Variants in TRAF3 observed in about 807,000 individuals in gnomAD.
The protein encoded by TRAF3 is TNF receptor associated factor 3, also known as TNF receptor-associated factor 3.
A neutral mutation model predicts 62.3 loss-of-function variants in TRAF3; 13 were observed. The ratio of observed to expected loss-of-function variants is 0.21; its 90% CI spans 0.14 to 0.33. The LOEUF is 0.33. Among genes scored for constraint, TRAF3 ranks in the 10% least tolerant of loss-of-function variants. The pLI is 1.00. For missense variants in TRAF3, 440 were observed against 741.8 expected, an observed-to-expected ratio of 0.59 and a Z score of 4.73; for synonymous variants, 269 against 283.4, an observed-to-expected ratio of 0.95 and a Z score of 0.51.
chr14:102,889,400 A>G (rs969524017), intron 7 of TRAF3, among the ~76,000 whole-genome samples, 160 bp from the exon 8 acceptor site: 3 of 152,248 alleles, frequency 2.0e-5, no homozygotes, highest in Non-Finnish European at 2.9e-5. Context: ...TAGACCGTAT[A>G]TTTACTGCAT....
intron 10 of TRAF3, chr14:102,902,964 G>A: frequency 2.2e-6 from 1 of 458,266 alleles, no homozygotes; most frequent in South Asian, 2.0e-5. Flanking sequence ...TTGCTTTCCT[G>A]ATGGCTCTCT....
chr14:102,777,574 C>T lies in TRAF3; in HGVS notation c.-258C>T, dbSNP rs1897062655. ...AGCCGCGGCGGCCGCCGGCTCTTCC[C>T]CGCCCCCCGCCATGGGGCAGCCCGG... On this transcript the variant is annotated 5_prime_UTR_variant, in exon 1 of 12. Transcript: ENST00000392745. The T allele has an allele frequency of 1.4e-5, 2 of 145,300 alleles. No individual in the cohort carries two copies. Among genetic ancestry groups the T allele is most frequent in the Non-Finnish European group, 3.1e-5 (2 of 65,294 alleles). The allele number at this position is 145,300 out of a possible 1,614,324, so 9.0% of individuals were successfully genotyped here. A position where few individuals can be genotyped will look rare whatever the true frequency, so the allele number is the denominator to read the frequency against.
chr14:102,905,067 G>T, intron 11 of TRAF3, 146 bp from the exon 12 acceptor site: 1 of 816,024 alleles, frequency 1.2e-6, no homozygotes, highest in Non-Finnish European at 2.0e-6. Flanking sequence ...AGCTGAGATG[G>T]TGCCACTGCA....
intron 1 of TRAF3, among the ~76,000 whole-genome samples, chr14:102,828,430 G>A (rs563226954): frequency 1.3e-5 from 2 of 152,290 alleles, no homozygotes; most frequent in East Asian, 1.9e-4. Context: ...TGATTAGAAC[G>A]TACGCGATTC....
At chr14:102,811,172 A>AG in intron 1 of TRAF3, among the ~76,000 whole-genome samples, 1 of 152,296 alleles carries the variant, frequency 6.6e-6, no homozygotes, top group South Asian at 2.1e-4. Context: ...AGTGGAGTGG[A>AG]GGACAGCCTG....
Position 102,870,284 on chromosome 14 carries a change from G to A in TRAF3, c.83G>A (p.Gly28Glu), listed in dbSNP as rs1288284677. Residue 28 changes from glycine to glutamate, a missense_variant, in exon 3 of 12, where the codon GGG becomes GAG. This residue lies in a region of TRAF3 where 40 missense variants were observed against 38.3 expected (regional missense o/e 1.05). Transcript: ENST00000392745. The part of the protein sequence containing the change: ...PLKLHTDRSA[G>E]TPVFVPEQGG... Reference sequence around the variant, plus strand: ...AAGCTGCACACTGACCGCAGTGCTGGGACGCCAGTTTTTGTCCCTGAACAA... The same window carrying A: ...AAGCTGCACACTGACCGCAGTGCTGAGACGCCAGTTTTTGTCCCTGAACAA... 6.2e-7 allele frequency: 1 copy of A among 1,614,222 alleles called. No homozygotes were observed. The highest frequency in any genetic ancestry group is 8.5e-7 in the Non-Finnish European group (1 of 1,180,048).
intron 9 of TRAF3, among the ~76,000 whole-genome samples, chr14:102,896,481 A>G (rs1464859782): frequency 6.6e-6 from 1 of 152,116 alleles, no homozygotes; most frequent in East Asian, 1.9e-4. Flanking sequence ...GAAATGGAAT[A>G]AAAAAAATCA....
At chr14:102,881,361 G>A (rs1001892659) in intron 6 of TRAF3, among the ~76,000 whole-genome samples, 7 of 150,844 alleles carry the variant, frequency 4.6e-5, no homozygotes, top group Admixed American at 2.6e-4. Context: ...TTCAGCCTGG[G>A]CGACAGAGCA....
At chr14:102,894,266 G>C (rs1889885509) in intron 9 of TRAF3, among the ~76,000 whole-genome samples, 1 of 152,146 alleles carries the variant, frequency 6.6e-6, no homozygotes, top group South Asian at 2.1e-4. Flanking sequence ...GGCAGAGGTT[G>C]CAGTGAGCCA....
chr14:102,850,088 G>A (rs1332900115), intron 2 of TRAF3, among the ~76,000 whole-genome samples: 1 of 152,086 alleles, frequency 6.6e-6, no homozygotes, highest in Non-Finnish European at 1.5e-5. Flanking sequence ...TAATTACAGT[G>A]TAACTCAACT....
At chr14:102,880,192 C>T (rs1325108812) in intron 6 of TRAF3, among the ~76,000 whole-genome samples, 1 of 152,152 alleles carries the variant, frequency 6.6e-6, no homozygotes, top group East Asian at 1.9e-4. Flanking sequence ...CAAGTAATTC[C>T]TCCAGGCTGT....
intron 1 of TRAF3, among the ~76,000 whole-genome samples, chr14:102,795,217 T>C (rs910522108): frequency 6.6e-6 from 1 of 152,234 alleles, no homozygotes; most frequent in African/African-American, 2.4e-5. Context: ...CTGTCTCAGC[T>C]GATTGTTGCA....
chr14:102,892,739 A>T (rs985906678), intron 9 of TRAF3, among the ~76,000 whole-genome samples: 7 of 152,238 alleles, frequency 4.6e-5, no homozygotes, highest in Non-Finnish European at 1.0e-4. Context: ...GGAGTCTAAA[A>T]TTTTAAATAG....
intron 2 of TRAF3, among the ~76,000 whole-genome samples, chr14:102,834,580 G>A (rs898947492): frequency 6.0e-5 from 9 of 151,160 alleles, no homozygotes; most frequent in East Asian, 1.9e-4. Context: ...CCAGCTACTC[G>A]GAGAGGCTGA....
intron 1 of TRAF3, among the ~76,000 whole-genome samples, chr14:102,803,857 C>A (rs1354324223): frequency 6.6e-6 from 1 of 152,140 alleles, no homozygotes; most frequent in Non-Finnish European, 1.5e-5. Flanking sequence ...TAAAAACATG[C>A]AAATATATAA....
At chr14:102,891,753 A>G (rs916991551) in intron 9 of TRAF3, among the ~76,000 whole-genome samples, 2 of 151,550 alleles carry the variant, frequency 1.3e-5, no homozygotes, top group African/African-American at 2.4e-5. Flanking sequence ...AGCCATCCTT[A>G]CTCACTCTGT....
intron 2 of TRAF3, among the ~76,000 whole-genome samples, chr14:102,844,421 A>G (rs10133709): frequency 1.3e-5 from 2 of 152,144 alleles, no homozygotes; most frequent in East Asian, 1.9e-4. Context: ...GAGAATCTCT[A>G]TAAGTCCCAT....
chr14:102,870,381 G>C lies in TRAF3; in HGVS notation c.180G>C (p.Leu60=). The change falls in exon 3 of 12, where the codon CTG becomes CTC. Residue 60 remains leucine, a synonymous_variant. Transcript: ENST00000392745. ...KYKCEKCHLV[L]CSPKQTECGH... ...AGTGTGAGAAGTGCCACCTGGTGCT[G>C]TGCAGCCCGAAGCAGACCGAGTGTG... The C allele has an allele frequency of 1.2e-6, 2 of 1,614,208 alleles. No homozygotes were observed. The highest frequency in any genetic ancestry group is 1.7e-6 in the Non-Finnish European group (2 of 1,180,026).
rs1178931854 is a variant in TRAF3 at position 102,827,887 on chromosome 14, AGTGCTTGCT to A, written c.-156-2444_-156-2436del. 2.4e-3 allele frequency among the ~76,000 whole-genome samples: 373 copies of A among 152,354 alleles called. 5 individuals are homozygous for A. Among genetic ancestry groups the A allele is most frequent in the Non-Finnish European group, 4.1e-4 (28 of 68,034 alleles). On this transcript the variant is annotated intron_variant, in intron 1 of 11. Coordinates refer to ENST00000392745, the MANE Select transcript of TRAF3 (RefSeq NM_145725.3). ...GATTGCTGCCCACAGAGGACCTGGA[AGTGCTTGCT>A]GTACTTGGTTTTCTGGAATGGAAAT...
Sources: gnomAD v4.1 joint callset for allele counts (sites outside exome capture counted in the v4.1 genomes callset) on GRCh38, gnomAD v4.1.1 for gene constraint, gnomAD v4.1.1 regional missense constraint, MANE v1.5 for transcripts, NCBI Gene and HGNC (gene_info 2026-07-23, HGNC 2026-07-21) for gene names.